COMMD1: variants seen among roughly 807,000 people sequenced by gnomAD.
The protein encoded by COMMD1 is COMM domain-containing protein 1.
A neutral mutation model predicts 17.2 loss-of-function variants in COMMD1; 10 were observed. The ratio of observed to expected loss-of-function variants is 0.58; its 90% CI spans 0.36 to 0.99. The LOEUF is 0.99. Ranked by LOEUF, COMMD1 falls within the 50% of genes least tolerant of loss-of-function variation. The probability of loss-of-function intolerance (pLI) is 0.01; values close to 1 mark genes in which losing one functional copy is unlikely to be tolerated. For missense variants in COMMD1, 270 were observed against 231.8 expected, an observed-to-expected ratio of 1.17 and a Z score of -1.07; for synonymous variants, 97 against 91.6, an observed-to-expected ratio of 1.06 and a Z score of -0.34.
chr2:62,117,842 A>C (rs1210746043), intron 2 of COMMD1, among the ~76,000 whole-genome samples: 2 of 151,894 alleles, frequency 1.3e-5, no homozygotes, highest in South Asian at 2.1e-4. Context: ...TTCATTTTTT[A>C]GGCATTTCGT....
At chr2:61,954,361 G>T (rs1458725500) in intron 1 of COMMD1, among the ~76,000 whole-genome samples, 2 of 152,114 alleles carry the variant, frequency 1.3e-5, no homozygotes, top group South Asian at 4.2e-4. Flanking sequence ...TACAAGGCTG[G>T]TTTATGAGTT....
At position 62,019,472 on chromosome 2, in the gene COMMD1, G is replaced by A. The variant is rs112649916; in HGVS notation, c.462+18490G>A. On this transcript the variant is annotated intron_variant, in intron 2 of 2. Coordinates refer to ENST00000311832, the MANE Select transcript of COMMD1 (RefSeq NM_152516.4). Reference sequence around the variant, plus strand: ...TTATAGGTGTGAGCCACTGCACCCGGCCCTAAAAGCTCTTTTCATAATGGC... The same window carrying A: ...TTATAGGTGTGAGCCACTGCACCCGACCCTAAAAGCTCTTTTCATAATGGC... Among the ~76,000 whole-genome samples the A allele has an allele frequency of 2.6e-5, 4 of 152,144 alleles. 1 individual carries two copies. The highest frequency in any genetic ancestry group is 9.6e-5 in the African/African-American group (4 of 41,506).
chr2:61,969,704 T>C (rs1279798963), intron 1 of COMMD1, among the ~76,000 whole-genome samples: 1 of 152,174 alleles, frequency 6.6e-6, no homozygotes, highest in South Asian at 2.1e-4. Context: ...TTGATGGAAA[T>C]TGGAGAAGTG....
intron 1 of COMMD1, among the ~76,000 whole-genome samples, chr2:61,941,067 G>A (rs1275155384): frequency 6.9e-6 from 1 of 144,788 alleles, no homozygotes; most frequent in Non-Finnish European, 1.5e-5. Context: ...ATGGAGTCTC[G>A]CCCAGGCTGG....
At chr2:62,045,406 A>G (rs1670351079) in intron 2 of COMMD1, among the ~76,000 whole-genome samples, 1 of 152,222 alleles carries the variant, frequency 6.6e-6, no homozygotes, top group Non-Finnish European at 1.5e-5. Flanking sequence ...AAAGATTTAT[A>G]GAAACTATAC....
chr2:62,056,386 A>G, intron 2 of COMMD1, among the ~76,000 whole-genome samples: 1 of 152,206 alleles, frequency 6.6e-6, no homozygotes, highest in Admixed American at 6.5e-5. Context: ...TTTTTGAGTT[A>G]TGAGAGCCAC....
intron 1 of COMMD1, among the ~76,000 whole-genome samples, chr2:61,959,336 A>G (rs548099444): frequency 1.3e-5 from 2 of 152,348 alleles, no homozygotes; most frequent in South Asian, 4.1e-4. Context: ...TCCATGTTCA[A>G]TGGAAACCTT....
intron 1 of COMMD1, among the ~76,000 whole-genome samples, chr2:61,995,327 A>G (rs1197133517): frequency 6.6e-6 from 1 of 152,176 alleles, no homozygotes; most frequent in Non-Finnish European, 1.5e-5. Context: ...TTACGTATAT[A>G]TAACAATGTC....
chr2:62,124,703 C>T (rs1346902012), intron 2 of COMMD1, among the ~76,000 whole-genome samples: 1 of 152,082 alleles, frequency 6.6e-6, no homozygotes, highest in Non-Finnish European at 1.5e-5. Flanking sequence ...GTTTGTGCCA[C>T]CAAGCCCGGC....
intron 1 of COMMD1, among the ~76,000 whole-genome samples, chr2:61,937,369 G>A (rs1207137655): frequency 3.9e-5 from 6 of 152,138 alleles, no homozygotes; most frequent in Admixed American, 1.3e-4. Context: ...TTTGCCAGAG[G>A]CAACATCAGT....
intron 2 of COMMD1, among the ~76,000 whole-genome samples, chr2:62,114,986 G>A (rs1367329422): frequency 6.6e-6 from 1 of 152,144 alleles, no homozygotes; most frequent in Non-Finnish European, 1.5e-5. Flanking sequence ...AATAGAGATA[G>A]TGCTTAACTG....
intron 1 of COMMD1, among the ~76,000 whole-genome samples, chr2:61,952,596 C>T (rs1671085977): frequency 6.6e-6 from 1 of 152,212 alleles, no homozygotes; most frequent in African/African-American, 2.4e-5. Context: ...GTCAGCAGCA[C>T]TCATTCTCCA....
chr2:61,955,408 C>T (rs1671172846), intron 1 of COMMD1, among the ~76,000 whole-genome samples: 1 of 152,080 alleles, frequency 6.6e-6, no homozygotes, highest in South Asian at 2.1e-4. Context: ...GCATGTGCCA[C>T]TGTACCTAGC....
intron 1 of COMMD1, among the ~76,000 whole-genome samples, chr2:61,896,093 A>G (rs941130345): frequency 6.6e-6 from 1 of 152,242 alleles, no homozygotes; most frequent in African/African-American, 2.4e-5. Flanking sequence ...CTTTAAATAC[A>G]TAAACACCAA....
At chr2:61,972,127 A>T (rs975633679) in intron 1 of COMMD1, among the ~76,000 whole-genome samples, 9 of 152,178 alleles carry the variant, frequency 5.9e-5, no homozygotes, top group Non-Finnish European at 8.8e-5. Flanking sequence ...TTAAAAAAAC[A>T]AACAAAAAAA....
At chr2:62,094,574 GA>G (rs1158219020) in intron 2 of COMMD1, among the ~76,000 whole-genome samples, 1 of 151,778 alleles carries the variant, frequency 6.6e-6, no homozygotes, top group East Asian at 1.9e-4. Context: ...TGTTGCAAAA[GA>G]AAAAAAATCC....
intron 2 of COMMD1, among the ~76,000 whole-genome samples, chr2:62,016,110 T>TG (rs1223706916): frequency 1.3e-5 from 2 of 151,552 alleles, no homozygotes; most frequent in Non-Finnish European, 2.9e-5. Flanking sequence ...TGGGATTACA[T>TG]GCGTGAGCCA....
At chr2:62,067,889 T>C (rs1671098109) in intron 2 of COMMD1, among the ~76,000 whole-genome samples, 1 of 152,232 alleles carries the variant, frequency 6.6e-6, no homozygotes, top group Non-Finnish European at 1.5e-5. Flanking sequence ...TGCCGTATTT[T>C]GAGGTACAGT....
intron 2 of COMMD1, among the ~76,000 whole-genome samples, chr2:62,103,573 T>C (rs1672245443): frequency 6.6e-6 from 1 of 152,222 alleles, no homozygotes; most frequent in Non-Finnish European, 1.5e-5. Flanking sequence ...TTTTATAACT[T>C]AGCATGTAGT....
Sources: gnomAD v4.1 joint callset for allele counts (sites outside exome capture counted in the v4.1 genomes callset) on GRCh38, gnomAD v4.1.1 for gene constraint, MANE v1.5 for transcripts, NCBI Gene and HGNC (gene_info 2026-07-23, HGNC 2026-07-21) for gene names.